KAT14: variants seen among roughly 807,000 people sequenced by gnomAD.
KAT14 encodes lysine acetyltransferase 14.
Under a neutral mutation model 78.4 loss-of-function variants are expected in KAT14, and 66 were observed. The ratio of observed to expected loss-of-function variants is 0.84; its 90% CI spans 0.69 to 1.03. The LOEUF (loss-of-function observed/expected upper bound fraction) is 1.03. KAT14 is among the 50% of genes least tolerant of loss of function. KAT14 has a pLI of 0.00. For missense variants in KAT14, 870 were observed against 972.5 expected, an observed-to-expected ratio of 0.89 and a Z score of 1.40; for synonymous variants, 344 against 359.4, an observed-to-expected ratio of 0.96 and a Z score of 0.48.
At chr20:18,152,119 T>G (rs1352816275) in intron 4 of KAT14, among the ~76,000 whole-genome samples, 1 of 152,078 alleles carries the variant, frequency 6.6e-6, no homozygotes, top group East Asian at 1.9e-4. Flanking sequence ...GTTGGATAAG[T>G]CAATATTTCA....
chr20:18,143,625 TTATTTTA>T lies in KAT14; in HGVS notation c.259+708_259+714del, dbSNP rs1292688544. Among the ~76,000 whole-genome samples the T allele has an allele frequency of 9.1e-5, 13 of 143,162 alleles. 2 individuals carry two copies. Among genetic ancestry groups the T allele is most frequent in the African/African-American group, 3.2e-4 (12 of 37,468 alleles). The allele number at this position is 143,162 out of a possible 152,430, so 93.9% of individuals were successfully genotyped here. ...CAGCACACCTGGCTAATTTTTTTTTTTATTTTATTTTTTTTTTTTGAGACGGAGTTTT... is the reference window on the plus strand; with the variant it reads ...CAGCACACCTGGCTAATTTTTTTTTTTTTTTTTTTTTTGAGACGGAGTTTT... On this transcript the variant is annotated intron_variant, in intron 2 of 10. Coordinates refer to ENST00000688188, the MANE Select transcript of KAT14 (RefSeq NM_001392073.1).
chr20:18,143,054 A>G (rs2037650567), intron 2 of KAT14, 135 bp downstream of exon 2: 4 of 1,431,924 alleles, frequency 2.8e-6, no homozygotes, highest in African/African-American at 1.4e-5. Context: ...TTGATCAGCT[A>G]TAAATTTATA....
At chr20:18,150,759 C>A in intron 3 of KAT14, 62 bp from the exon 4 acceptor site, 1 of 1,603,446 alleles carries the variant, frequency 6.2e-7, no homozygotes, top group Non-Finnish European at 8.5e-7. Flanking sequence ...AGCTTTTCCC[C>A]CCTCAAGATT....
rs373399876 is a variant in KAT14, at chr20:18,183,172, C to T, written c.1855C>T (p.Arg619Cys). The change falls in exon 9 of 11, where the codon CGT becomes TGT. Residue 619 changes from arginine to cysteine, a missense_variant. Physicochemically the swap from Arg to Cys is radical, Grantham distance 180. Transcript: ENST00000688188. ...PPKLQLLSQI[R>C]SHLHRSDPHW... ...CAAACTGCAGCTCCTGTCACAGATTCGTTCCCACCTGCACAGGAGCGACCC... is the reference window on the plus strand; with the variant it reads ...CAAACTGCAGCTCCTGTCACAGATTTGTTCCCACCTGCACAGGAGCGACCC... The T allele has an allele frequency of 6.8e-6, 11 of 1,613,530 alleles. No homozygotes were observed. In the African/African-American group the frequency reaches 1.5e-4, roughly 22 times the overall value.
At chr20:18,178,091 G>C (rs2039110947) in intron 7 of KAT14, among the ~76,000 whole-genome samples, 1 of 131,818 alleles carries the variant, frequency 7.6e-6, no homozygotes, top group African/African-American at 2.9e-5. Context: ...CTGGATAACA[G>C]AGCAAGACTC....
At chr20:18,147,440 T>C (rs2037868605) in intron 3 of KAT14, among the ~76,000 whole-genome samples, 2 of 152,350 alleles carry the variant, frequency 1.3e-5, no homozygotes, top group Middle Eastern at 3.4e-3. Flanking sequence ...AGCTGTAAAA[T>C]GGAAGAAGAG....
At chr20:18,143,776 C>T (rs981587306) in intron 2 of KAT14, among the ~76,000 whole-genome samples, 1 of 151,616 alleles carries the variant, frequency 6.6e-6, no homozygotes, top group East Asian at 1.9e-4. Context: ...TACAGGCATG[C>T]GCCACCATGC....
intron 1 of KAT14, among the ~76,000 whole-genome samples, chr20:18,140,308 A>T (rs767747172): frequency 6.6e-6 from 1 of 152,022 alleles, no homozygotes; most frequent in African/African-American, 2.4e-5. Flanking sequence ...ATGGTTCAAG[A>T]CAGTTGTGTT....
intron 4 of KAT14, among the ~76,000 whole-genome samples, chr20:18,151,489 G>T (rs542781653): frequency 4.2e-4 from 64 of 150,852 alleles, no homozygotes; most frequent in African/African-American, 1.3e-3. Context: ...GAGCCACTGC[G>T]CCTGGCCTTA....
At chr20:18,164,658 G>A (rs546397263) in intron 7 of KAT14, among the ~76,000 whole-genome samples, 9 of 141,378 alleles carry the variant, frequency 6.4e-5, no homozygotes, top group African/African-American at 1.8e-4. Context: ...TCTCTGTCAC[G>A]CAGGTTGGAA....
In KAT14 at chr20:18,178,291, T is replaced by A. The variant is rs185156649; in HGVS notation, c.1669-3419T>A. 3.4e-3 allele frequency among the ~76,000 whole-genome samples: 514 copies of A among 152,186 alleles called. 3 individuals are homozygous for A. The highest frequency in any genetic ancestry group is 9.7e-3 in the African/African-American group (404 of 41,526). On this transcript the variant is annotated intron_variant, in intron 7 of 10. Transcript: ENST00000688188. The stretch of plus-strand genomic sequence containing the variant: ...TTTACATAAGTAACAAGGAGCCGAA[T>A]GTTAATCCCCAAGACAATCTCCATG...
intron 4 of KAT14, among the ~76,000 whole-genome samples, chr20:18,154,682 TTCA>T (rs1420757427): frequency 1.3e-5 from 2 of 152,160 alleles, no homozygotes; most frequent in African/African-American, 4.8e-5. Context: ...ACTATCATAT[TTCA>T]TCAATTCTAA....
intron 2 of KAT14, among the ~76,000 whole-genome samples, chr20:18,144,542 C>A (rs1008530172): frequency 4.6e-5 from 7 of 152,200 alleles, no homozygotes; most frequent in African/African-American, 1.7e-4. Context: ...AATCCTAAGC[C>A]TCCCCCTAAT....
rs547013796 is a variant in KAT14 at position 18,165,216 on chromosome 20, C to T, written c.1668+2271C>T. 3.0e-5 allele frequency among the ~76,000 whole-genome samples: 4 copies of T among 132,102 alleles called. No individual in the cohort carries two copies. The South Asian group carries it at 7.0e-4, about 23-fold the overall frequency. 86.7% of individuals were successfully genotyped at this position (132,102 alleles called of 152,430 possible). On this transcript the variant is annotated intron_variant, in intron 7 of 10. Transcript: ENST00000688188. ...GTATGTCTCTAAATGATATACTTTT[C>T]GTTTAAAAAAATACTGAGTAGCAAG...
chr20:18,174,895 C>T (rs2038978243), intron 7 of KAT14, among the ~76,000 whole-genome samples: 1 of 152,032 alleles, frequency 6.6e-6, no homozygotes, highest in Admixed American at 6.5e-5. Context: ...GAACTCCTGA[C>T]CTCAGGTGAT....
Position 18,138,071 on chromosome 20 carries a change from C to T in KAT14, c.-454+20C>T, listed in dbSNP as rs1243049042. ...CAGCAGGTCGGTGTCACGTGACCGTCTCTTCCGGGCCCGCGCGCGCGGCGT... is the reference window on the plus strand; with the variant it reads ...CAGCAGGTCGGTGTCACGTGACCGTTTCTTCCGGGCCCGCGCGCGCGGCGT... On this transcript the variant is annotated intron_variant, in intron 1 of 10. Coordinates refer to ENST00000688188, the MANE Select transcript of KAT14 (RefSeq NM_001392073.1). The T allele has an allele frequency of 2.1e-6, 3 of 1,458,104 alleles. No individual in the cohort carries two copies. Among genetic ancestry groups the T allele is most frequent in the Non-Finnish European group, 1.8e-6 (2 of 1,109,592 alleles). The allele number at this position is 1,458,104 out of a possible 1,614,324, so 90.3% of individuals were successfully genotyped here.
intron 8 of KAT14, among the ~76,000 whole-genome samples, chr20:18,182,771 A>G (rs2039306303): frequency 6.6e-6 from 1 of 152,102 alleles, no homozygotes; most frequent in Non-Finnish European, 1.5e-5. Flanking sequence ...GTGTTCCCCA[A>G]ATGCCCCGCA....
chr20:18,162,771 A>G lies in KAT14; in HGVS notation c.1494A>G (p.Gln498=), dbSNP rs761795147. 1 of 1,614,222 alleles carries G rather than the reference A, an allele frequency of 6.2e-7. No individual in the cohort carries two copies. Among genetic ancestry groups the G allele is most frequent in the Non-Finnish European group, 8.5e-7 (1 of 1,180,046 alleles). Residue 498 remains glutamine, a synonymous_variant, in exon 7 of 11, where the codon CAA becomes CAG. Transcript: ENST00000688188. ...TGAAACGCAAACTGATTGTCAGACA[A>G]GCGAAAAGGGATAGGGGATTACCAC... ...RRLKRKLIVR[Q]AKRDRGLPLF...
intron 7 of KAT14, among the ~76,000 whole-genome samples, chr20:18,168,136 A>G (rs2038718098): frequency 6.6e-6 from 1 of 152,206 alleles, no homozygotes; most frequent in African/African-American, 2.4e-5. Context: ...GTCATATAAA[A>G]TTGTTATTTT....
Sources: allele counts gnomAD v4.1 joint callset (sites outside exome capture counted in the v4.1 genomes callset), GRCh38; gene constraint gnomAD v4.1.1; transcripts MANE v1.5; gene names NCBI Gene and HGNC (gene_info 2026-07-23, HGNC 2026-07-21).